Variants in FN1 observed in about 807,000 individuals in gnomAD.
FN1 encodes fibronectin.
FN1 carries 106 observed loss-of-function variants against 297.3 expected under a neutral mutation model. That is an observed-to-expected ratio of 0.36 (90% CI 0.30 to 0.42). The LOEUF is 0.42. Among genes scored for constraint, FN1 ranks in the 10% least tolerant of loss-of-function variants. FN1 has a pLI of 1.00. For synonymous variants in FN1, 1,149 were observed against 1,152.6 expected (o/e 1.00, Z 0.06); for missense variants, 2,690 against 3,124.9 (o/e 0.86, Z 3.32).
chr2:215,410,433 G>A (rs963432256), intron 13 of FN1, among the ~76,000 whole-genome samples: 1 of 151,690 alleles, frequency 6.6e-6, no homozygotes, highest in East Asian at 1.9e-4. Flanking sequence ...TGTTGCTCCC[G>A]TTTTACAGAC....
chr2:215,429,808 A>G (rs911589779), intron 5 of FN1, among the ~76,000 whole-genome samples: 1 of 152,248 alleles, frequency 6.6e-6, no homozygotes, highest in African/African-American at 2.4e-5. Flanking sequence ...ATTTTCTGGA[A>G]TAAATGACTT....
chr2:215,371,192 T>C (rs189104695), intron 40 of FN1, among the ~76,000 whole-genome samples: 3,104 of 151,576 alleles, frequency 0.02, 110 homozygotes, highest in African/African-American at 0.071. Context: ...TGCTTGAACC[T>C]GGGAGGCAGA....
At chr2:215,376,396 T>G in intron 36 of FN1, 102 bp downstream of exon 36, 1 of 1,101,656 alleles carries the variant, frequency 9.1e-7, no homozygotes, top group South Asian at 1.3e-5. Context: ...ATGATAACAC[T>G]GAAAATAAAT....
Position 215,391,740 on chromosome 2 carries a change from G to A in FN1, c.4144C>T (p.Pro1382Ser), listed in dbSNP as rs761078111. The change falls in exon 26 of 46, where the codon CCA becomes TCA. Residue 1382 changes from proline to serine, a missense_variant. By Grantham distance (74) the Pro-to-Ser change is moderately conservative. Around this residue, in one of 3 missense-constraint regions of FN1, gnomAD observed 1,743 missense variants for 1,945.2 expected, o/e 0.90. Coordinates refer to ENST00000354785, the MANE Select transcript of FN1 (RefSeq NM_212482.4). ...DTMRVTWAPPPSIDLTNFLVR... is the reference protein window; with the variant it reads ...DTMRVTWAPPSSIDLTNFLVR... ...AGGAAGTTGGTTAAATCAATGGATG[G>A]GGGTGGAGCCCAGGTGACACGCATG... 1.2e-6 allele frequency: 2 copies of A among 1,614,106 alleles called. No individual in the cohort carries two copies. The highest frequency in any genetic ancestry group is 1.7e-6 in the Non-Finnish European group (2 of 1,179,978).
intron 39 of FN1, 54 bp from the exon 40 acceptor site, chr2:215,372,429 TAGC>T (rs2056404425): frequency 4.7e-6 from 6 of 1,288,690 alleles, no homozygotes; most frequent in Non-Finnish European, 6.8e-6. Context: ...CTCCAGGAAG[TAGC>T]AGCAATGATA....
Position 215,406,255 on chromosome 2 carries a change from G to C in FN1, c.2969C>G (p.Thr990Ser). 1 of 1,614,116 alleles carries C rather than the reference G, an allele frequency of 6.2e-7. No homozygotes were observed. The highest frequency in any genetic ancestry group is 8.5e-7 in the Non-Finnish European group (1 of 1,179,944). ...VSHGRESKPLTAQQTTKLDAP... is the reference protein window; with the variant it reads ...VSHGRESKPLSAQQTTKLDAP... ...AGACATACTGGTTGTCTGTTGAGCAGTCAGAGGCTTGCTCTCCCTCCCATG... is the reference window on the plus strand; with the variant it reads ...AGACATACTGGTTGTCTGTTGAGCACTCAGAGGCTTGCTCTCCCTCCCATG... The change falls in exon 19 of 46, where the codon ACT becomes AGT. Residue 990 changes from threonine to serine, a missense_variant. Thr to Ser is a moderately conservative substitution (Grantham distance 58). Around this residue, in one of 3 missense-constraint regions of FN1, gnomAD observed 1,743 missense variants for 1,945.2 expected, o/e 0.90. Transcript: ENST00000354785.
intron 28 of FN1, 75 bp downstream of exon 28, chr2:215,386,614 C>T (rs1575435947): frequency 1.6e-6 from 1 of 635,290 alleles, no homozygotes; most frequent in African/African-American, 2.4e-5. Flanking sequence ...TGACAGACAA[C>T]AGCAAGCTAC....
At chr2:215,365,205 G>A (rs2054283884) in intron 43 of FN1, among the ~76,000 whole-genome samples, 2 of 152,148 alleles carry the variant, frequency 1.3e-5, no homozygotes, top group Admixed American at 6.5e-5. Flanking sequence ...ACGGGAAGAT[G>A]GAAATCATAT....
chr2:215,414,883 G>A lies in FN1; in HGVS notation c.1895C>T (p.Ala632Val), dbSNP rs369079934. The part of the protein sequence containing the change: ...QPNSHPIQWN[A>V]PQPSHISKYI... The stretch of plus-strand genomic sequence containing the variant: ...CTTGGAAATGTGAGATGGCTGTGGT[G>A]CATTCCACTGGATGGGGTGGGAGTT... Residue 632 changes from alanine (A) to valine (V), a missense_variant, in exon 13 of 46, where the codon GCA (alanine) becomes GTA (valine). Transcript: ENST00000354785. 6 of 1,613,326 alleles carry A rather than the reference G, an allele frequency of 3.7e-6. No individual in the cohort carries two copies. In the African/African-American group the frequency reaches 8.0e-5, roughly 22 times the overall value.
intron 20 of FN1, among the ~76,000 whole-genome samples, chr2:215,400,076 T>A (rs2060813741): frequency 6.6e-6 from 1 of 151,434 alleles, no homozygotes; most frequent in Admixed American, 6.6e-5. Context: ...TAGTCCCAGC[T>A]TCTTGGGAGG....
At position 215,425,172 on chromosome 2, in the gene FN1, T is replaced by C; in HGVS notation, c.958A>G (p.Met320Val). Residue 320 changes from methionine (M) to valine (V), a missense_variant, in exon 7 of 46, where the codon ATG (methionine) becomes GTG (valine). Met to Val is a conservative substitution (Grantham distance 21, BLOSUM62 1). Coordinates refer to ENST00000354785, the MANE Select transcript of FN1 (RefSeq NM_212482.4). The stretch of plus-strand genomic sequence containing the variant: ...TTTCCTTGTGTCTTCAGCCACTGCA[T>C]CCCCACAGAGTAGACCACACCACTG... ...TDSGVVYSVGMQWLKTQGNKQ... is the reference protein window; with the variant it reads ...TDSGVVYSVGVQWLKTQGNKQ... The C allele has an allele frequency of 9.3e-6, 15 of 1,614,168 alleles. No homozygotes were observed. The highest frequency in any genetic ancestry group is 1.3e-5 in the Non-Finnish European group (15 of 1,180,024).
At chr2:215,407,954 C>CCA (rs72346185) in intron 17 of FN1, among the ~76,000 whole-genome samples, 154 bp downstream of exon 17, 40 of 133,690 alleles carry the variant, frequency 3.0e-4, no homozygotes, top group African/African-American at 7.8e-4. Context: ...CCCACCCCCG[C>CCA]CACACACACA....
At chr2:215,427,546 C>T (rs1481650589) in intron 6 of FN1, among the ~76,000 whole-genome samples, 1 of 152,134 alleles carries the variant, frequency 6.6e-6, no homozygotes, top group Non-Finnish European at 1.5e-5. Context: ...GATATCATGT[C>T]TTTCATGGCC....
In FN1 at chr2:215,435,874, T is replaced by C. The variant is rs995742571; in HGVS notation, c.-72A>G. 7 of 1,486,666 alleles carry C rather than the reference T, an allele frequency of 4.7e-6. No individual in the cohort carries two copies. The highest frequency in any genetic ancestry group is 5.4e-6 in the Non-Finnish European group (6 of 1,120,880). The allele number at this position is 1,486,666 out of a possible 1,614,324, so 92.1% of individuals were successfully genotyped here. On this transcript the variant is annotated 5_prime_UTR_variant, in exon 1 of 46. Transcript: ENST00000354785. Reference sequence around the variant, plus strand: ...ACCAAGTTTGCTTCCCTTCGCAACCTGCGGGAAAAATCCCTTCTAATGCCT... The same window carrying C: ...ACCAAGTTTGCTTCCCTTCGCAACCCGCGGGAAAAATCCCTTCTAATGCCT...
chr2:215,407,048 G>C, intron 18 of FN1, 79 bp downstream of exon 18: 2 of 1,083,396 alleles, frequency 1.8e-6, no homozygotes, highest in Non-Finnish European at 2.9e-6. Context: ...TGAGAGGACT[G>C]TTGACAGAGA....
chr2:215,388,508 A>C (rs1040497926), intron 26 of FN1, among the ~76,000 whole-genome samples: 1 of 152,238 alleles, frequency 6.6e-6, no homozygotes, highest in African/African-American at 2.4e-5. Context: ...ACCTTGCCCC[A>C]TGGCCTCTCG....
At chr2:215,435,459 G>A (rs545653677) in intron 1 of FN1, among the ~76,000 whole-genome samples, 196 bp downstream of exon 1, 2 of 152,338 alleles carry the variant, frequency 1.3e-5, no homozygotes, top group African/African-American at 2.4e-5. Flanking sequence ...GTCCTCCAAT[G>A]CACGGTCTTA....
intron 36 of FN1, among the ~76,000 whole-genome samples, chr2:215,376,084 A>G (rs1336202590): frequency 1.3e-5 from 2 of 152,214 alleles, no homozygotes; most frequent in Admixed American, 1.3e-4. Flanking sequence ...AAAGCTAAAA[A>G]AGACCTCAGA....
chr2:215,406,460 TCA>T lies in FN1; in HGVS notation c.2762_2763del (p.Val921GlufsTer10), dbSNP rs748676322. ...RDLQFVEVTD[V>X]KVTIMWTPPE... ...GGCGGTGTCCACATGATGGTGACCT[TCA>T]CGTCTGTCACTTCCACAAACTGCAG... is the stretch of plus-strand genomic sequence containing the variant. On this transcript the variant is annotated frameshift_variant, in exon 19 of 46. Transcript: ENST00000354785. LOFTEE classifies it high-confidence loss of function. The T allele has an allele frequency of 6.2e-7, 1 of 1,614,122 alleles. No homozygotes were observed. The highest frequency in any genetic ancestry group is 1.7e-5 in the Admixed American group (1 of 60,024).
Sources: gnomAD v4.1 joint callset for allele counts (sites outside exome capture counted in the v4.1 genomes callset) on GRCh38, gnomAD v4.1.1 for gene constraint, gnomAD v4.1.1 regional missense constraint, MANE v1.5 for transcripts, NCBI Gene and HGNC (gene_info 2026-07-23, HGNC 2026-07-21) for gene names.